Variants in POLR3A observed in about 807,000 individuals in gnomAD.
The protein encoded by POLR3A is RNA polymerase III subunit A, also known as DNA-directed RNA polymerase III subunit RPC1.
POLR3A carries 112 observed loss-of-function variants against 152.8 expected under a neutral mutation model. That is an observed-to-expected ratio of 0.73 (90% CI 0.63 to 0.86). The LOEUF is 0.86. Ranked by LOEUF, POLR3A falls within the 40% of genes least tolerant of loss-of-function variation. The probability of loss-of-function intolerance (pLI) is 0.00; values close to 1 mark genes in which losing one functional copy is unlikely to be tolerated. For synonymous variants in POLR3A, 615 were observed against 652.1 expected (o/e 0.94, Z 0.87); for missense variants, 1,385 against 1,743.1 (o/e 0.79, Z 3.66).
chr10:77,993,190 A>T lies in POLR3A; in HGVS notation c.2787+7T>A. The T allele has an allele frequency of 6.2e-7, 1 of 1,609,850 alleles. No homozygotes were observed. The highest frequency in any genetic ancestry group is 2.2e-5 in the East Asian group (1 of 44,852). ...ACTCTAACCCCAGATATAATGCTAA[A>T]TCTTACTTTGATGTTGTCCAGAACC... On this transcript the variant is annotated splice_region_variant and intron_variant, in intron 20 of 30. Coordinates refer to ENST00000372371, the MANE Select transcript of POLR3A (RefSeq NM_007055.4).
chr10:78,020,956 A>G (rs1847573483), intron 8 of POLR3A, among the ~76,000 whole-genome samples: 1 of 152,180 alleles, frequency 6.6e-6, no homozygotes, highest in Non-Finnish European at 1.5e-5. Flanking sequence ...TGAGGCATGA[A>G]CCAACATAGA....
chr10:78,016,388 C>T (rs984234615), intron 10 of POLR3A, among the ~76,000 whole-genome samples: 1 of 146,316 alleles, frequency 6.8e-6, no homozygotes, highest in Non-Finnish European at 1.5e-5. Context: ...GGGCAATACA[C>T]CAAGACCTCA....
intron 21 of POLR3A, among the ~76,000 whole-genome samples, chr10:77,987,734 C>T (rs1161980206): frequency 2.0e-5 from 3 of 152,192 alleles, no homozygotes; most frequent in African/African-American, 7.2e-5. Flanking sequence ...AGTTACTACC[C>T]TTTCTACAAG....
chr10:78,001,217 C>T, intron 17 of POLR3A, 123 bp from the exon 18 acceptor site: 3 of 624,942 alleles, frequency 4.8e-6, no homozygotes, highest in Non-Finnish European at 9.0e-6. Flanking sequence ...GGTCCTGGAA[C>T]AGTAGAAGAC....
At chr10:77,984,049 T>C (rs1847173895) in intron 25 of POLR3A, 37 bp from the exon 26 acceptor site, 1 of 1,459,116 alleles carries the variant, frequency 6.9e-7, no homozygotes. Flanking sequence ...AATCAGCCGC[T>C]TTCCCCTTTC....
chr10:78,004,901 T>C lies in POLR3A; in HGVS notation c.2075-13A>G, dbSNP rs765821082. 1.5e-5 allele frequency: 25 copies of C among 1,613,218 alleles called. No individual in the cohort carries two copies. The South Asian group carries it at 2.6e-4, about 17-fold the overall frequency. ...AAACCACGGTTAGCTGTTGAGTTGGTAGAGCAGGAAGAAAGGGCCATAAAT... is the reference window on the plus strand; with the variant it reads ...AAACCACGGTTAGCTGTTGAGTTGGCAGAGCAGGAAGAAAGGGCCATAAAT... On this transcript the variant is annotated splice_polypyrimidine_tract_variant and intron_variant, in intron 15 of 30. Coordinates refer to ENST00000372371, the MANE Select transcript of POLR3A (RefSeq NM_007055.4).
intron 21 of POLR3A, among the ~76,000 whole-genome samples, chr10:77,987,498 T>C (rs1175200451): frequency 6.6e-6 from 1 of 152,084 alleles, no homozygotes; most frequent in African/African-American, 2.4e-5. Flanking sequence ...TTCTGTTTCT[T>C]GATTCTGGGG....
Position 77,985,347 on chromosome 10 carries a change from G to T in POLR3A, c.3072-7C>A, listed in dbSNP as rs905774227. On this transcript the variant is annotated splice_region_variant and splice_polypyrimidine_tract_variant and intron_variant, in intron 23 of 30. Transcript: ENST00000372371. ...ACCTGGCTCCATCTGTGCCCTAGAA[G>T]GCAAAGGTATGGATGAGATTGCAGC... is the stretch of plus-strand genomic sequence containing the variant. 1 of 1,613,150 alleles carries T rather than the reference G, an allele frequency of 6.2e-7. No homozygotes were observed.
chr10:78,020,088 C>G (rs1847563587), intron 8 of POLR3A: 1 of 147,984 alleles, frequency 6.8e-6, no homozygotes, highest in Non-Finnish European at 1.5e-5. Context: ...GCAGGACAAT[C>G]ACTTGAACCC....
chr10:78,019,229 C>T lies in POLR3A; in HGVS notation c.1222G>A (p.Val408Ile), dbSNP rs770087419. The change falls in exon 9 of 31, where the codon GTT becomes ATT. Residue 408 changes from valine (V) to isoleucine (I), a missense_variant. Physicochemically the swap from Val to Ile is conservative, Grantham distance 29 (BLOSUM62 3). Around this residue, in one of 7 missense-constraint regions of POLR3A, gnomAD observed 493 missense variants for 647.5 expected, o/e 0.76. Transcript: ENST00000372371. ...KANINFLRKL[V>I]QNGPEVHPGA... ...GGGTGAACCTCAGGGCCGTTTTGAACCAGTTTCCTCAAGAAATTGATGTTT... is the reference window on the plus strand; with the variant it reads ...GGGTGAACCTCAGGGCCGTTTTGAATCAGTTTCCTCAAGAAATTGATGTTT... 4.3e-6 allele frequency: 7 copies of T among 1,614,006 alleles called. No homozygotes were observed. Among genetic ancestry groups the T allele is most frequent in the Non-Finnish European group, 5.9e-6 (7 of 1,179,930 alleles).
At chr10:78,010,139 A>G (rs1847452524) in intron 12 of POLR3A, 148 bp from the exon 13 acceptor site, 2 of 1,038,208 alleles carry the variant, frequency 1.9e-6, no homozygotes, top group African/African-American at 3.2e-5. Context: ...TCCAACTAGG[A>G]TCTACCTCCA....
At chr10:78,012,719 G>GT (rs111895113) in intron 11 of POLR3A, among the ~76,000 whole-genome samples, 67 of 146,966 alleles carry the variant, frequency 4.6e-4, no homozygotes, top group South Asian at 8.6e-4. Context: ...GTGCCAACAG[G>GT]TTTTTTTTTT....
chr10:77,982,981 T>G (rs1226876342), intron 26 of POLR3A, among the ~76,000 whole-genome samples, 164 bp from the exon 27 acceptor site: 1 of 152,212 alleles, frequency 6.6e-6, no homozygotes, highest in Non-Finnish European at 1.5e-5. Flanking sequence ...TTATGTACTA[T>G]ATGTGTATAT....
Position 78,010,332 on chromosome 10 carries a change from T to C in POLR3A, c.1642+139A>G, listed in dbSNP as rs1004374087. On this transcript the variant is annotated intron_variant, in intron 12 of 30. Coordinates refer to ENST00000372371, the MANE Select transcript of POLR3A (RefSeq NM_007055.4). ...AAAAAAAAACCCACGGGGAGGTTCA[T>C]GATCAAACTTAGTAAACAAAAAACC... is the stretch of plus-strand genomic sequence containing the variant. The C allele has an allele frequency of 2.6e-5, 20 of 775,164 alleles. No homozygotes were observed. In the African/African-American group the frequency reaches 3.1e-4, roughly 12 times the overall value. The allele number at this position is 775,164 out of a possible 1,614,324, so 48.0% of individuals were successfully genotyped here.
At position 77,976,615 on chromosome 10, in the gene POLR3A, A is replaced by G. The variant is rs369531611; in HGVS notation, c.*863T>C. ...TCAGAACTTAAAAAATCAACTAGAG[A>G]TCATCCAAGGAACGTAAGTATAATT... On this transcript the variant is annotated 3_prime_UTR_variant, in exon 31 of 31. Coordinates refer to ENST00000372371, the MANE Select transcript of POLR3A (RefSeq NM_007055.4). 1 of 152,202 alleles carries G rather than the reference A, an allele frequency of 6.6e-6. No individual in the cohort carries two copies. The highest frequency in any genetic ancestry group is 1.5e-5 in the Non-Finnish European group (1 of 68,052). The allele number at this position is 152,202 out of a possible 1,614,324, so 9.4% of individuals were successfully genotyped here. A position where few individuals can be genotyped will look rare whatever the true frequency, so the allele number is the denominator to read the frequency against.
chr10:77,995,135 C>A (rs1847287225), intron 19 of POLR3A, among the ~76,000 whole-genome samples: 1 of 152,174 alleles, frequency 6.6e-6, no homozygotes, highest in Non-Finnish European at 1.5e-5. Context: ...ACCACCAGGC[C>A]TGCCCTAAAA....
intron 26 of POLR3A, 95 bp downstream of exon 26, chr10:77,983,825 T>C: frequency 1.3e-6 from 1 of 784,032 alleles, no homozygotes. Context: ...TCTGCAATGC[T>C]TCCTCTGTCT....
intron 14 of POLR3A, 28 bp downstream of exon 14, chr10:78,009,506 CCTT>C (rs753575558): frequency 3.1e-6 from 5 of 1,614,214 alleles, no homozygotes; most frequent in Non-Finnish European, 3.4e-6. Flanking sequence ...TCACGTTCCT[CCTT>C]CTCCCCACCC....
rs1589319604 is a variant in POLR3A, at chr10:78,025,530, C to G, written c.318+92G>C. 25 of 1,254,074 alleles carry G rather than the reference C, an allele frequency of 2.0e-5. No homozygotes were observed. In the East Asian group the frequency reaches 5.8e-4, roughly 29 times the overall value. 77.7% of individuals were successfully genotyped at this position (1,254,074 alleles called of 1,614,324 possible). A position where few individuals can be genotyped will look rare whatever the true frequency, so the allele number is the denominator to read the frequency against. ...GTATAAAAGAGTCCCCTAGATGTAT[C>G]CCCCACCACTCACAGTTCCTAAGTT... On this transcript the variant is annotated intron_variant, in intron 3 of 30. Coordinates refer to ENST00000372371, the MANE Select transcript of POLR3A (RefSeq NM_007055.4).
Sources: allele counts gnomAD v4.1 joint callset (sites outside exome capture counted in the v4.1 genomes callset), GRCh38; gene constraint gnomAD v4.1.1; regional missense constraint gnomAD v4.1.1; transcripts MANE v1.5; gene names NCBI Gene and HGNC (gene_info 2026-07-23, HGNC 2026-07-21).